The following LRRC37A2 variants were observed in gnomAD, a reference collection of about 807,000 sequenced individuals.
LRRC37A2 encodes the protein leucine rich repeat containing 37 member A2.
A neutral mutation model predicts 68.8 loss-of-function variants in LRRC37A2; 9 were observed. That is an observed-to-expected ratio of 0.13 (90% CI 0.08 to 0.23). LRRC37A2 has a LOEUF of 0.23. LRRC37A2 is among the 10% of genes least tolerant of loss of function. The probability of loss-of-function intolerance (pLI) is 1.00; values close to 1 mark genes in which losing one functional copy is unlikely to be tolerated. For synonymous variants in LRRC37A2, 63 were observed against 367.6 expected (o/e 0.17, Z 9.48); for missense variants, 168 against 950.4 (o/e 0.18, Z 10.82).
At chr17:46,725,865 T>G in the LRRC37A2 span, among the ~76,000 whole-genome samples, 1 of 152,170 alleles carries the variant, frequency 6.6e-6, no homozygotes, top group South Asian at 2.1e-4. Flanking sequence ...AAGGCTAGTC[T>G]CAAGGCCTTG....
At chr17:46,690,517 C>A in the LRRC37A2 span, among the ~76,000 whole-genome samples, 1 of 55,122 alleles carries the variant, frequency 1.8e-5, no homozygotes, top group African/African-American at 9.0e-5. Context: ...GAGTCTGAGG[C>A]AGGAGAATGG....
the LRRC37A2 span, chr17:46,774,034 G>T: frequency 7.2e-7 from 1 of 1,383,314 alleles, no homozygotes; most frequent in Non-Finnish European, 9.9e-7. Context: ...CCTGGCACCT[G>T]AATGTGCTAC....
chr17:46,731,812 G>A, the LRRC37A2 span, among the ~76,000 whole-genome samples: 1 of 152,306 alleles, frequency 6.6e-6, no homozygotes, highest in South Asian at 2.1e-4. Flanking sequence ...CAGATTACCT[G>A]CAGTATACAT....
the LRRC37A2 span, among the ~76,000 whole-genome samples, chr17:46,852,519 C>T: frequency 6.6e-6 from 1 of 150,448 alleles, no homozygotes; most frequent in African/African-American, 2.5e-5. Flanking sequence ...GGGAGAGAGC[C>T]GGACAGGAAC....
chr17:46,710,220 T>G, the LRRC37A2 span, among the ~76,000 whole-genome samples: 1 of 152,208 alleles, frequency 6.6e-6, no homozygotes, highest in Non-Finnish European at 1.5e-5. Flanking sequence ...TCTGTTAACC[T>G]CATGAAAATC....
At chr17:46,730,293 A>G in the LRRC37A2 span, among the ~76,000 whole-genome samples, 1 of 152,162 alleles carries the variant, frequency 6.6e-6, no homozygotes, top group Non-Finnish European at 1.5e-5. Flanking sequence ...ATTTAAATTT[A>G]TCTCTTAAAA....
chr17:46,855,944 C>G, the LRRC37A2 span, among the ~76,000 whole-genome samples: 15 of 152,306 alleles, frequency 9.8e-5, no homozygotes, highest in African/African-American at 3.4e-4. Flanking sequence ...CCACCTCAGC[C>G]TCCCAAACTG....
At chr17:46,913,952 T>C in the LRRC37A2 span, among the ~76,000 whole-genome samples, 2 of 151,846 alleles carry the variant, frequency 1.3e-5, no homozygotes, top group African/African-American at 4.8e-5. Flanking sequence ...TAGAGATGGG[T>C]TTCACCATGT....
chr17:46,963,560 A>AT, the LRRC37A2 span: 2 of 147,012 alleles, frequency 1.4e-5, no homozygotes, highest in African/African-American at 5.0e-5. Flanking sequence ...AAAAAAAAAA[A>AT]TAGGCAGATG....
At chr17:46,862,163 C>CAAAAA in the LRRC37A2 span, among the ~76,000 whole-genome samples, 11 of 80,304 alleles carry the variant, frequency 1.4e-4, no homozygotes, top group East Asian at 3.0e-4. Flanking sequence ...AACTCCGTCT[C>CAAAAA]AAAAAAAAAA....
At chr17:47,013,159 CAT>C in the LRRC37A2 span, among the ~76,000 whole-genome samples, 1 of 152,162 alleles carries the variant, frequency 6.6e-6, no homozygotes, top group African/African-American at 2.4e-5. Context: ...TAGGCAAATC[CAT>C]AGAGACAGAA....
At chr17:47,018,443 G>T in the LRRC37A2 span, 9 of 1,558,626 alleles carry the variant, frequency 5.8e-6, no homozygotes, top group South Asian at 1.1e-5. Flanking sequence ...CTCCAGACGT[G>T]CAGCTCACCA....
chr17:46,460,636 CAA>C, the LRRC37A2 span, among the ~76,000 whole-genome samples: 1 of 50,064 alleles, frequency 2.0e-5, no homozygotes, highest in African/African-American at 9.5e-5. Flanking sequence ...TAAAAATAAA[CAA>C]ATATAAATTC....
At chr17:46,996,512 G>A in the LRRC37A2 span, among the ~76,000 whole-genome samples, 1 of 152,232 alleles carries the variant, frequency 6.6e-6, no homozygotes, top group African/African-American at 2.4e-5. Flanking sequence ...CACATGGTGA[G>A]GCTGAACTGC....
At chr17:46,827,411 G>A in the LRRC37A2 span, among the ~76,000 whole-genome samples, 1 of 152,094 alleles carries the variant, frequency 6.6e-6, no homozygotes. Context: ...TGTTGTTTTG[G>A]GTTGGGATAC....
At chr17:46,988,056 C>T in the LRRC37A2 span, among the ~76,000 whole-genome samples, 1 of 152,164 alleles carries the variant, frequency 6.6e-6, no homozygotes, top group East Asian at 1.9e-4. Flanking sequence ...CCTATAGTCC[C>T]AGCTACTCGG....
the LRRC37A2 span, among the ~76,000 whole-genome samples, chr17:46,691,551 C>T: frequency 2.7e-5 from 4 of 149,520 alleles, no homozygotes; most frequent in Non-Finnish European, 5.9e-5. Context: ...GCTAAGATTG[C>T]GTCATTGCAC....
the LRRC37A2 span, among the ~76,000 whole-genome samples, chr17:46,906,722 A>G: frequency 6.6e-6 from 1 of 152,188 alleles, no homozygotes; most frequent in Non-Finnish European, 1.5e-5. Context: ...ATATAGGAAG[A>G]GGCTGAGGCA....
At chr17:46,954,296 C>A in the LRRC37A2 span, among the ~76,000 whole-genome samples, 1 of 152,140 alleles carries the variant, frequency 6.6e-6, no homozygotes, top group African/African-American at 2.4e-5. Flanking sequence ...ATAGGGAATC[C>A]TTTTCCCATT....
Sources: allele counts gnomAD v4.1 joint callset (sites outside exome capture counted in the v4.1 genomes callset), GRCh38; gene constraint gnomAD v4.1.1; transcripts MANE v1.5; gene names NCBI Gene and HGNC (gene_info 2026-07-23, HGNC 2026-07-21).